The following GNAT3 variants were observed in gnomAD, a reference collection of about 807,000 sequenced individuals.
The protein encoded by GNAT3 is G protein subunit alpha transducin 3.
A neutral mutation model predicts 37.7 loss-of-function variants in GNAT3; 31 were observed. The ratio of observed to expected loss-of-function variants is 0.82; its 90% CI spans 0.62 to 1.11. The LOEUF (loss-of-function observed/expected upper bound fraction) is 1.11, where lower values mean the gene tolerates loss of function less well. Ranked by LOEUF, GNAT3 falls within the 50% of genes most tolerant of loss-of-function variation. The pLI, the probability that GNAT3 is intolerant of heterozygous loss-of-function variation, is 0.00. For missense variants in GNAT3, 437 were observed against 412.5 expected (o/e 1.06, Z -0.51); for synonymous variants, 138 against 139.8 (o/e 0.99, Z 0.09).
chr7:80,461,826 C>T (rs1790055258), intron 7 of GNAT3, among the ~76,000 whole-genome samples: 2 of 152,122 alleles, frequency 1.3e-5, no homozygotes, highest in African/African-American at 4.8e-5. Context: ...GTAGGAGATA[C>T]ATTAAAAATG....
intron 4 of GNAT3, among the ~76,000 whole-genome samples, chr7:80,477,672 C>T (rs1480877288): frequency 2.0e-5 from 3 of 152,030 alleles, no homozygotes; most frequent in Non-Finnish European, 2.9e-5. Flanking sequence ...TGTCCTTAAC[C>T]GATCTTTTTC....
In GNAT3 at chr7:80,494,567, C is replaced by T. The variant is rs748928683; in HGVS notation, c.161+38G>A. 46 of 1,089,796 alleles carry T rather than the reference C, an allele frequency of 4.2e-5. No homozygotes were observed. In the Admixed American group the frequency reaches 8.4e-4, roughly 20 times the overall value. 67.5% of individuals were successfully genotyped at this position (1,089,796 alleles called of 1,614,324 possible). Reference sequence around the variant, plus strand: ...AAGAATGGTCAAATACATGGACAGACATCAAATATTAAACACTTGAGACAG... The same window carrying T: ...AAGAATGGTCAAATACATGGACAGATATCAAATATTAAACACTTGAGACAG... On this transcript the variant is annotated intron_variant, in intron 2 of 7. Transcript: ENST00000398291.
intron 4 of GNAT3, among the ~76,000 whole-genome samples, chr7:80,476,556 T>A (rs1311076174): frequency 6.6e-6 from 1 of 151,282 alleles, no homozygotes; most frequent in Non-Finnish European, 1.5e-5. Flanking sequence ...AACTATGGCA[T>A]TCCTTTCCCT....
At chr7:80,475,426 T>A (rs1790286947) in intron 4 of GNAT3, among the ~76,000 whole-genome samples, 1 of 152,102 alleles carries the variant, frequency 6.6e-6, no homozygotes, top group African/African-American at 2.4e-5. Context: ...GTCTAGACTT[T>A]TGATACTAAG....
chr7:80,465,775 TCTG>T (rs1790119813), intron 5 of GNAT3, among the ~76,000 whole-genome samples: 1 of 152,136 alleles, frequency 6.6e-6, no homozygotes, highest in Admixed American at 6.6e-5. Context: ...ACTCCCTTCT[TCTG>T]GGAGGTTTCG....
intron 3 of GNAT3, among the ~76,000 whole-genome samples, chr7:80,482,351 A>G (rs1790404116): frequency 1.3e-5 from 2 of 152,218 alleles, no homozygotes; most frequent in South Asian, 2.1e-4. Flanking sequence ...GAATGATGCC[A>G]TAAAACAACC....
At chr7:80,489,193 T>A (rs74747245) in intron 2 of GNAT3, among the ~76,000 whole-genome samples, 2,664 of 152,220 alleles carry the variant, frequency 0.018, 92 homozygotes, top group African/African-American at 0.061. Context: ...AAATTTCTTG[T>A]CAGTTCTCCA....
chr7:80,501,936 A>G (rs1282038028), intron 1 of GNAT3, among the ~76,000 whole-genome samples: 1 of 152,048 alleles, frequency 6.6e-6, no homozygotes, highest in African/African-American at 2.4e-5. Flanking sequence ...TGTTTCATTC[A>G]TGAGAAAGAA....
chr7:80,472,495 A>C (rs1790237385), intron 5 of GNAT3, among the ~76,000 whole-genome samples: 1 of 152,312 alleles, frequency 6.6e-6, no homozygotes, highest in Admixed American at 6.5e-5. Flanking sequence ...TGTTTCTTGC[A>C]GATTCAGGGG....
Position 80,462,152 on chromosome 7 carries a change from A to G in GNAT3, c.874+7T>C. On this transcript the variant is annotated splice_region_variant and intron_variant, in intron 7 of 7. Transcript: ENST00000398291. ...ATTTCTATGGAACTAAAAGAAAAAAATCTTACCAGTGTATTCTGGAAAGCA... is the reference window on the plus strand; with the variant it reads ...ATTTCTATGGAACTAAAAGAAAAAAGTCTTACCAGTGTATTCTGGAAAGCA... 1.3e-6 allele frequency: 2 copies of G among 1,526,334 alleles called. No individual in the cohort carries two copies. The highest frequency in any genetic ancestry group is 8.8e-7 in the Non-Finnish European group (1 of 1,134,784). 94.5% of individuals were successfully genotyped at this position (1,526,334 alleles called of 1,614,324 possible).
chr7:80,498,969 T>C (rs907253821), intron 1 of GNAT3, among the ~76,000 whole-genome samples: 1 of 152,196 alleles, frequency 6.6e-6, no homozygotes, highest in Admixed American at 6.5e-5. Flanking sequence ...TATTTATACA[T>C]GTAACTGAAC....
At chr7:80,477,772 A>G (rs1790330291) in intron 4 of GNAT3, among the ~76,000 whole-genome samples, 1 of 152,208 alleles carries the variant, frequency 6.6e-6, no homozygotes, top group Admixed American at 6.6e-5. Flanking sequence ...GAGTTCATCA[A>G]AAGAACTATA....
At chr7:80,510,887 T>A (rs547105680) in intron 1 of GNAT3, among the ~76,000 whole-genome samples, 2 of 152,280 alleles carry the variant, frequency 1.3e-5, no homozygotes, top group African/African-American at 4.8e-5. Context: ...GGAAATTTGT[T>A]ATGTGAAATA....
intron 1 of GNAT3, among the ~76,000 whole-genome samples, chr7:80,500,728 C>T (rs1421520644): frequency 1.3e-5 from 2 of 151,984 alleles, no homozygotes; most frequent in African/African-American, 2.4e-5. Context: ...GGTGTTTTTT[C>T]AATCAGGAAT....
chr7:80,496,997 T>C (rs1332168542), intron 1 of GNAT3, among the ~76,000 whole-genome samples: 2 of 152,172 alleles, frequency 1.3e-5, no homozygotes. Context: ...TGGTGATATA[T>C]AGATTCTTTC....
intron 4 of GNAT3, among the ~76,000 whole-genome samples, chr7:80,477,874 A>T (rs1490620483): frequency 6.6e-6 from 1 of 152,196 alleles, no homozygotes; most frequent in Non-Finnish European, 1.5e-5. Flanking sequence ...GGCATATAGT[A>T]AGGGGCTATG....
At chr7:80,509,805 C>T (rs1194535116) in intron 1 of GNAT3, among the ~76,000 whole-genome samples, 1 of 152,012 alleles carries the variant, frequency 6.6e-6, no homozygotes, top group African/African-American at 2.4e-5. Flanking sequence ...TGTTTTCATT[C>T]ATCTATATAT....
At chr7:80,483,269 T>C (rs1003942436) in intron 3 of GNAT3, among the ~76,000 whole-genome samples, 1 of 152,138 alleles carries the variant, frequency 6.6e-6, no homozygotes, top group Non-Finnish European at 1.5e-5. Context: ...AATAACACTT[T>C]ATTGAACATA....
At chr7:80,467,775 G>A (rs1230087060) in intron 5 of GNAT3, among the ~76,000 whole-genome samples, 12 of 151,954 alleles carry the variant, frequency 7.9e-5, no homozygotes, top group African/African-American at 1.9e-4. Context: ...TTTGCTGCCC[G>A]GAGTTTTGGA....
Sources: gnomAD v4.1 joint callset for allele counts (sites outside exome capture counted in the v4.1 genomes callset) on GRCh38, gnomAD v4.1.1 for gene constraint, MANE v1.5 for transcripts, NCBI Gene and HGNC (gene_info 2026-07-23, HGNC 2026-07-21) for gene names.